The following ENPP6 variants were observed in gnomAD, a reference collection of about 807,000 sequenced individuals.
The protein encoded by ENPP6 is glycerophosphocholine cholinephosphodiesterase ENPP6.
A neutral mutation model predicts 42.0 loss-of-function variants in ENPP6; 32 were observed. The observed-to-expected ratio is 0.76, with a 90% CI of 0.58 to 1.02. The LOEUF (loss-of-function observed/expected upper bound fraction) is 1.02, where lower values mean the gene tolerates loss of function less well. Among genes scored for constraint, ENPP6 ranks in the 50% least tolerant of loss-of-function variants. ENPP6 has a pLI of 0.00. For missense variants in ENPP6, 552 were observed against 566.8 expected (o/e 0.97, Z 0.27); for synonymous variants, 213 against 216.0 (o/e 0.99, Z 0.12).
At chr4:184,168,467 G>A (rs1169447790) in intron 1 of ENPP6, among the ~76,000 whole-genome samples, 1 of 152,190 alleles carries the variant, frequency 6.6e-6, no homozygotes, top group Non-Finnish European at 1.5e-5. Context: ...GCAGCACCAC[G>A]TTGCATCTGC....
chr4:184,117,987 T>C, intron 3 of ENPP6, 87 bp from the exon 4 acceptor site: 1 of 1,479,098 alleles, frequency 6.8e-7, no homozygotes, highest in Non-Finnish European at 9.1e-7. Context: ...TCTGAAGGTG[T>C]TCACGCCCCC....
rs183791471 is a variant in ENPP6 at position 184,152,739 on chromosome 4, G to A, written c.421+815C>T. ...AAGATATTCAGTGACCAAGATGAGG[G>A]TGTCCCGAGGACTTCTCACAGCAGC... On this transcript the variant is annotated intron_variant, in intron 2 of 7. Coordinates refer to ENST00000296741, the MANE Select transcript of ENPP6 (RefSeq NM_153343.4). 2.7e-3 allele frequency among the ~76,000 whole-genome samples: 412 copies of A among 152,288 alleles called. 1 individual carries two copies. The highest frequency in any genetic ancestry group is 4.6e-3 in the Non-Finnish European group (314 of 68,038).
At chr4:184,121,686 T>A (rs1283425045) in intron 3 of ENPP6, among the ~76,000 whole-genome samples, 1 of 152,200 alleles carries the variant, frequency 6.6e-6, no homozygotes, top group Non-Finnish European at 1.5e-5. Flanking sequence ...TAGACACACA[T>A]ACCAAGAGAC....
rs1560987385 is a variant in ENPP6, at chr4:184,131,236, T to TC, written c.422-6965_422-6964insG. On this transcript the variant is annotated intron_variant, in intron 2 of 7. Coordinates refer to ENST00000296741, the MANE Select transcript of ENPP6 (RefSeq NM_153343.4). ...TCTTTCTTTTTCTTTCTTTCTTTCC[T>TC]TTTCTTTCTTTCTTTCTCTTTCTCT... Among the ~76,000 whole-genome samples the TC allele has an allele frequency of 4.6e-3, 83 of 18,194 alleles. 6 individuals are homozygous for TC. The highest frequency in any genetic ancestry group is 0.022 in the Middle Eastern group (1 of 46). 11.9% of individuals were successfully genotyped at this position (18,194 alleles called of 152,430 possible).
intron 6 of ENPP6, among the ~76,000 whole-genome samples, chr4:184,105,937 A>C (rs199855756): frequency 6.6e-6 from 1 of 152,270 alleles, no homozygotes; most frequent in East Asian, 1.9e-4. Context: ...TGTTCTTCCC[A>C]TGAGCTATGA....
intron 2 of ENPP6, among the ~76,000 whole-genome samples, chr4:184,130,422 G>A (rs1303309334): frequency 1.7e-5 from 2 of 119,808 alleles, no homozygotes; most frequent in Admixed American, 8.0e-5. Context: ...GCCGGGCGTG[G>A]TGGTGGGCAC....
intron 1 of ENPP6, among the ~76,000 whole-genome samples, chr4:184,188,169 A>G (rs867202074): frequency 6.6e-6 from 1 of 152,156 alleles, no homozygotes; most frequent in Non-Finnish European, 1.5e-5. Context: ...CCATGGGTTG[A>G]ACAAACCCAG....
rs141094390 is a variant in ENPP6 at position 184,105,059 on chromosome 4, A to G, written c.993+7613T>C. The stretch of plus-strand genomic sequence containing the variant: ...ATTCCAGAGATTCTACTGATTATTT[A>G]TTAGGCTGATTGAAGTTACTTGGGC... On this transcript the variant is annotated intron_variant, in intron 6 of 7. Transcript: ENST00000296741. Among the ~76,000 whole-genome samples, 442 of 152,338 alleles carry G rather than the reference A, an allele frequency of 2.9e-3. 5 individuals carry two copies. Among genetic ancestry groups the G allele is most frequent in the African/African-American group, 0.01 (424 of 41,564 alleles).
chr4:184,112,089 A>G (rs1736204557), intron 6 of ENPP6, among the ~76,000 whole-genome samples: 2 of 152,160 alleles, frequency 1.3e-5, no homozygotes, highest in Non-Finnish European at 2.9e-5. Flanking sequence ...ACTCCCCTAA[A>G]GGGCAGGGCC....
At chr4:184,167,906 A>G (rs1005229432) in intron 1 of ENPP6, among the ~76,000 whole-genome samples, 1 of 152,196 alleles carries the variant, frequency 6.6e-6, no homozygotes, top group Admixed American at 6.5e-5. Context: ...TGCTCTTTGC[A>G]TAAAAGCTGT....
At chr4:184,096,039 T>C (rs534996182) in intron 7 of ENPP6, among the ~76,000 whole-genome samples, 25 of 152,274 alleles carry the variant, frequency 1.6e-4, no homozygotes, top group African/African-American at 5.8e-4. Context: ...CTATTAGTGC[T>C]CCATGAATTT....
At chr4:184,120,135 T>A (rs1736392921) in intron 3 of ENPP6, among the ~76,000 whole-genome samples, 2 of 152,136 alleles carry the variant, frequency 1.3e-5, no homozygotes, top group Non-Finnish European at 2.9e-5. Context: ...CCTAGATCGC[T>A]TTTCCTGAGT....
At position 184,090,060 on chromosome 4, in the gene ENPP6, G is replaced by T. The variant is rs1735760595; in HGVS notation, c.*1117C>A. On this transcript the variant is annotated 3_prime_UTR_variant, in exon 8 of 8. Transcript: ENST00000296741. ...AGTGACTGGGACTCTGCTCCATCAT[G>T]CTCTCTCCATTCTCCACCCAGCACC... The T allele has an allele frequency of 6.6e-6, 1 of 152,076 alleles. No individual in the cohort carries two copies. Among genetic ancestry groups the T allele is most frequent in the Non-Finnish European group, 1.5e-5 (1 of 68,032 alleles). The allele number at this position is 152,076 out of a possible 1,614,324, so 9.4% of individuals were successfully genotyped here.
rs531211656 is a variant in ENPP6 at position 184,133,098 on chromosome 4, C to T, written c.422-8826G>A. 2.6e-5 allele frequency among the ~76,000 whole-genome samples: 4 copies of T among 151,676 alleles called. No individual in the cohort carries two copies. In the South Asian group the frequency reaches 8.3e-4, roughly 32 times the overall value. ...ATCTTCCTGTTTTGTTCATCTGACT[C>T]CAAATAGTTTCAGCTATTCTGGAGT... On this transcript the variant is annotated intron_variant, in intron 2 of 7. Coordinates refer to ENST00000296741, the MANE Select transcript of ENPP6 (RefSeq NM_153343.4).
intron 1 of ENPP6, among the ~76,000 whole-genome samples, chr4:184,203,038 G>A (rs189769196): frequency 6.3e-4 from 96 of 152,054 alleles, no homozygotes; most frequent in African/African-American, 2.1e-3. Context: ...GAGGTCAGGA[G>A]TTTGAGACCA....
intron 1 of ENPP6, among the ~76,000 whole-genome samples, chr4:184,164,369 G>A (rs1404095872): frequency 6.6e-6 from 1 of 152,158 alleles, no homozygotes; most frequent in Non-Finnish European, 1.5e-5. Flanking sequence ...AGGTACCTCA[G>A]CATGTGACCC....
At chr4:184,179,294 G>A (rs1732501034) in intron 1 of ENPP6, among the ~76,000 whole-genome samples, 1 of 152,154 alleles carries the variant, frequency 6.6e-6, no homozygotes, top group African/African-American at 2.4e-5. Flanking sequence ...ATTATATAAT[G>A]GTAAAGGTCT....
chr4:184,150,803 T>G (rs565693197), intron 2 of ENPP6, among the ~76,000 whole-genome samples: 1 of 152,322 alleles, frequency 6.6e-6, no homozygotes, highest in East Asian at 1.9e-4. Flanking sequence ...TTCATTTAGG[T>G]CACTGAGGAA....
At chr4:184,107,503 C>T (rs900278829) in intron 6 of ENPP6, among the ~76,000 whole-genome samples, 1 of 152,208 alleles carries the variant, frequency 6.6e-6, no homozygotes, top group East Asian at 1.9e-4. Flanking sequence ...TCAGCAGTCC[C>T]GCTGGATGAC....
Sources: allele counts gnomAD v4.1 joint callset (sites outside exome capture counted in the v4.1 genomes callset), GRCh38; gene constraint gnomAD v4.1.1; transcripts MANE v1.5; gene names NCBI Gene and HGNC (gene_info 2026-07-23, HGNC 2026-07-21).